Variants in UTP4 observed in about 807,000 individuals in gnomAD.
UTP4 encodes the protein UTP4 small subunit processome component, also known as U3 small nucleolar RNA-associated protein 4 homolog.
UTP4 carries 45 observed loss-of-function variants against 82.4 expected under a neutral mutation model. The ratio of observed to expected loss-of-function variants is 0.55; its 90% CI spans 0.43 to 0.70. The LOEUF (loss-of-function observed/expected upper bound fraction) is 0.70. UTP4 is among the 30% of genes least tolerant of loss of function. The pLI is 0.00. For missense variants in UTP4, 819 were observed against 858.3 expected (o/e 0.95, Z 0.57); for synonymous variants, 348 against 300.3 (o/e 1.16, Z -1.64).
At chr16:69,158,048 T>C (rs1312491984) in intron 12 of UTP4, among the ~76,000 whole-genome samples, 1 of 151,516 alleles carries the variant, frequency 6.6e-6, no homozygotes, top group Admixed American at 6.6e-5. Flanking sequence ...AGTTTCCAGA[T>C]TAAGCTGGTA....
chr16:69,137,167 G>A (rs1962833852), intron 3 of UTP4, among the ~76,000 whole-genome samples: 1 of 152,076 alleles, frequency 6.6e-6, no homozygotes. Flanking sequence ...TTTTGTTTTG[G>A]TTTGTTTTGT....
chr16:69,145,132 G>A (rs1255405077), intron 6 of UTP4, among the ~76,000 whole-genome samples: 2 of 151,572 alleles, frequency 1.3e-5, no homozygotes, highest in Non-Finnish European at 2.9e-5. Flanking sequence ...ACAAAAGCAG[G>A]ACTCCATCTC....
chr16:69,165,221 C>A, intron 14 of UTP4, 120 bp from the exon 15 acceptor site: 1 of 810,088 alleles, frequency 1.2e-6, no homozygotes, highest in Non-Finnish European at 2.0e-6. Context: ...GTTGGGAGAG[C>A]ATAGAATGAA....
chr16:69,165,376 A>G lies in UTP4; in HGVS notation c.1683A>G (p.Thr561=). The stretch of plus-strand genomic sequence containing the variant: ...ACAGCATCCCAGACAAACAGTATAC[A>G]GATTGGAGCCGGACTGTCCAGAAGC... ...FEYSIPDKQY[T]DWSRTVQKQG... The change falls in exon 15 of 17, where the codon ACA becomes ACG. Residue 561 remains threonine (T), a synonymous_variant. Coordinates refer to ENST00000314423, the MANE Select transcript of UTP4 (RefSeq NM_032830.3). 1 of 1,614,164 alleles carries G rather than the reference A, an allele frequency of 6.2e-7. No individual in the cohort carries two copies. The highest frequency in any genetic ancestry group is 8.5e-7 in the Non-Finnish European group (1 of 1,180,044).
chr16:69,149,406 CG>C (rs1228308608), intron 6 of UTP4, among the ~76,000 whole-genome samples: 1 of 151,062 alleles, frequency 6.6e-6, no homozygotes, highest in Non-Finnish European at 1.5e-5. Flanking sequence ...AAAAATTAGC[CG>C]GGTGTGGTGG....
In UTP4 at chr16:69,153,685, G is replaced by C. The variant is rs779063441; in HGVS notation, c.1099+5G>C. 1.6e-5 allele frequency: 25 copies of C among 1,597,990 alleles called. No homozygotes were observed. Among genetic ancestry groups the C allele is most frequent in the Non-Finnish European group, 2.1e-5 (25 of 1,166,582 alleles). ...TGGGATCCACAGTTGCAACAGGTAA[G>C]ATGGGAGCACGTTTTTTTCAATAAG... On this transcript the variant is annotated splice_donor_5th_base_variant and intron_variant, in intron 9 of 16. Coordinates refer to ENST00000314423, the MANE Select transcript of UTP4 (RefSeq NM_032830.3).
At chr16:69,156,674 T>C (rs1031039384) in intron 11 of UTP4, among the ~76,000 whole-genome samples, 2 of 151,962 alleles carry the variant, frequency 1.3e-5, no homozygotes, top group South Asian at 2.1e-4. Context: ...GGCCAGGCTG[T>C]CCTGAACTCC....
chr16:69,138,530 G>T (rs928111488), intron 4 of UTP4, among the ~76,000 whole-genome samples: 4 of 152,164 alleles, frequency 2.6e-5, no homozygotes, highest in South Asian at 2.1e-4. Flanking sequence ...TGAGCCACTT[G>T]CCCTGGCCAA....
intron 14 of UTP4, among the ~76,000 whole-genome samples, chr16:69,164,570 C>T (rs1218693093): frequency 1.4e-5 from 2 of 141,058 alleles, no homozygotes; most frequent in East Asian, 4.1e-4. Flanking sequence ...TTAGAAATTT[C>T]AGTTCTAATC....
intron 6 of UTP4, among the ~76,000 whole-genome samples, chr16:69,149,805 T>C (rs1474546695): frequency 6.6e-6 from 1 of 152,110 alleles, no homozygotes; most frequent in African/African-American, 2.4e-5. Flanking sequence ...CTTGGCGTAC[T>C]GCAACCTCTG....
intron 13 of UTP4, among the ~76,000 whole-genome samples, chr16:69,161,852 A>T (rs1027688748): frequency 6.6e-6 from 1 of 151,524 alleles, no homozygotes; most frequent in South Asian, 2.1e-4. Flanking sequence ...AGTAGAGATG[A>T]GGTTTTGCTG....
intron 9 of UTP4, 89 bp downstream of exon 9, chr16:69,153,769 A>T: frequency 1.2e-6 from 1 of 849,682 alleles, no homozygotes; most frequent in East Asian, 2.6e-5. Context: ...TTATAGAAAA[A>T]CTGAAGTAGA....
intron 14 of UTP4, among the ~76,000 whole-genome samples, chr16:69,164,311 T>C (rs1963642767): frequency 6.6e-6 from 1 of 152,122 alleles, no homozygotes; most frequent in Admixed American, 6.6e-5. Flanking sequence ...TTTGCCTTTG[T>C]CACACATAAT....
chr16:69,153,197 C>T (rs565331438), intron 8 of UTP4, among the ~76,000 whole-genome samples: 1 of 152,322 alleles, frequency 6.6e-6, no homozygotes, highest in Admixed American at 6.5e-5. Context: ...TGCCCTGCCT[C>T]CTTCGCCTGA....
At chr16:69,153,985 AAAC>A (rs767944646) in intron 9 of UTP4, among the ~76,000 whole-genome samples, 1 of 152,196 alleles carries the variant, frequency 6.6e-6, no homozygotes, top group Non-Finnish European at 1.5e-5. Context: ...GGCTGTTGAA[AAAC>A]AACAAGATTT....
At chr16:69,164,213 C>T (rs1230485795) in intron 14 of UTP4, among the ~76,000 whole-genome samples, 1 of 152,002 alleles carries the variant, frequency 6.6e-6, no homozygotes, top group African/African-American at 2.4e-5. Flanking sequence ...CACACATGCA[C>T]ACACACACTG....
Position 69,136,736 on chromosome 16 carries a change from G to C in UTP4, c.200G>C (p.Cys67Ser). The change falls in exon 3 of 17, where the codon TGC (cysteine) becomes TCC (serine). Residue 67 changes from cysteine to serine, a missense_variant. By Grantham distance (112) the Cys-to-Ser change is moderately radical (BLOSUM62 -1). Transcript: ENST00000314423. Reference protein sequence around the residue: ...GHESRATEALCWAEGQRLFSA... With the variant: ...GHESRATEALSWAEGQRLFSA... ...GAGTCTCGGGCTACAGAAGCTTTGT[G>C]CTGGGCAGAAGGACAGCGACTCTTT... 5.6e-6 allele frequency: 9 copies of C among 1,614,042 alleles called. No homozygotes were observed. Among genetic ancestry groups the C allele is most frequent in the Non-Finnish European group, 7.6e-6 (9 of 1,179,936 alleles).
intron 16 of UTP4, 111 bp downstream of exon 16, chr16:69,167,296 C>A: frequency 1.3e-6 from 1 of 765,792 alleles, no homozygotes; most frequent in Non-Finnish European, 2.3e-6. Flanking sequence ...TGCAGAGAAC[C>A]TGGCTTGTGG....
At chr16:69,141,818 C>T (rs1962966908) in intron 5 of UTP4, among the ~76,000 whole-genome samples, 1 of 150,810 alleles carries the variant, frequency 6.6e-6, no homozygotes. Flanking sequence ...AAACTCTTCT[C>T]TTTCTTTTTT....
Sources: allele counts gnomAD v4.1 joint callset (sites outside exome capture counted in the v4.1 genomes callset), GRCh38; gene constraint gnomAD v4.1.1; transcripts MANE v1.5; gene names NCBI Gene and HGNC (gene_info 2026-07-23, HGNC 2026-07-21).